MLIP: variants seen among roughly 807,000 people sequenced by gnomAD.
MLIP encodes the protein muscular LMNA-interacting protein.
Under a neutral mutation model 84.8 loss-of-function variants are expected in MLIP, and 79 were observed. The observed-to-expected ratio is 0.93, with a 90% CI of 0.78 to 1.12. The LOEUF (loss-of-function observed/expected upper bound fraction) is 1.12. Among genes scored for constraint, MLIP ranks in the 50% most tolerant of loss-of-function variants. The pLI, the probability that MLIP is intolerant of heterozygous loss-of-function variation, is 0.00. For synonymous variants in MLIP, 504 were observed against 463.0 expected (o/e 1.09, Z -1.14); for missense variants, 1,257 against 1,160.6 (o/e 1.08, Z -1.21).
upstream of MLIP, among the ~76,000 whole-genome samples, chr6:54,110,240 C>T (rs1393114448): frequency 6.6e-6 from 1 of 152,076 alleles, no homozygotes; most frequent in African/African-American, 2.4e-5. Flanking sequence ...GCCTCGGCCT[C>T]CCAAAGTGCT....
chr6:54,043,450 T>C (rs1402025046), intron 1 of MLIP: 1 of 152,216 alleles, frequency 6.6e-6, no homozygotes, highest in Admixed American at 6.5e-5. Flanking sequence ...GTCATCTATG[T>C]AATTTCTCTT....
chr6:54,233,635 A>G (rs957883995), intron 12 of MLIP, among the ~76,000 whole-genome samples: 1 of 152,178 alleles, frequency 6.6e-6, no homozygotes, highest in African/African-American at 2.4e-5. Flanking sequence ...GCTGCAATAA[A>G]CATATGTGTG....
intron 9 of MLIP, among the ~76,000 whole-genome samples, chr6:54,189,064 A>G (rs1251509972): frequency 6.6e-6 from 1 of 151,424 alleles, no homozygotes; most frequent in East Asian, 1.9e-4. Context: ...GTAAGGCCTG[A>G]AAAAACCACA....
intron 1 of MLIP, among the ~76,000 whole-genome samples, chr6:54,082,908 A>G (rs1310448110): frequency 6.6e-6 from 1 of 152,168 alleles, no homozygotes; most frequent in Non-Finnish European, 1.5e-5. Context: ...TATTCTCCCC[A>G]GCTATAGAAT....
intron 1 of MLIP, among the ~76,000 whole-genome samples, chr6:54,115,868 A>G (rs2150416675): frequency 6.6e-6 from 1 of 152,364 alleles, no homozygotes; most frequent in South Asian, 2.1e-4. Context: ...GAAAACATTT[A>G]TCATTGAAAT....
At chr6:54,232,310 T>C (rs996452748) in intron 12 of MLIP, among the ~76,000 whole-genome samples, 1 of 152,160 alleles carries the variant, frequency 6.6e-6, no homozygotes, top group East Asian at 1.9e-4. Flanking sequence ...ATTGTTTTGA[T>C]ATTTTGAAAG....
upstream of MLIP, among the ~76,000 whole-genome samples, chr6:54,108,407 C>T (rs1165504756): frequency 1.3e-5 from 2 of 152,068 alleles, no homozygotes; most frequent in Admixed American, 6.5e-5. Context: ...AGACTAGGAC[C>T]CATTTTTTGA....
intron 8 of MLIP, among the ~76,000 whole-genome samples, chr6:54,162,801 G>C (rs2150569692): frequency 6.6e-6 from 1 of 152,110 alleles, no homozygotes; most frequent in South Asian, 2.1e-4. Context: ...GTTTGAAGCT[G>C]ATCAGAGATA....
intron 9 of MLIP, among the ~76,000 whole-genome samples, chr6:54,175,590 T>C (rs192151616): frequency 2.0e-5 from 3 of 152,208 alleles, no homozygotes; most frequent in Admixed American, 2.0e-4. Flanking sequence ...TTTTTGTATG[T>C]TGATTTTGTA....
At chr6:54,156,063 C>G (rs767059023) in intron 5 of MLIP, among the ~76,000 whole-genome samples, 7 of 152,002 alleles carry the variant, frequency 4.6e-5, no homozygotes, top group Non-Finnish European at 2.9e-5. Context: ...TTCCTGCTGG[C>G]TAGCTTGCCA....
At chr6:54,208,183 T>G (rs1207595250) in intron 11 of MLIP, among the ~76,000 whole-genome samples, 5 of 152,254 alleles carry the variant, frequency 3.3e-5, no homozygotes, top group African/African-American at 1.2e-4. Flanking sequence ...TGGTTTTATC[T>G]GTAAGGTATT....
chr6:54,174,238 T>G (rs1264124652), intron 9 of MLIP, among the ~76,000 whole-genome samples: 2 of 152,162 alleles, frequency 1.3e-5, no homozygotes, highest in East Asian at 3.9e-4. Flanking sequence ...ATTTTCTTTC[T>G]TTTGGGTATA....
chr6:54,218,088 C>A, intron 11 of MLIP: 3 of 685,732 alleles, frequency 4.4e-6, no homozygotes, highest in Non-Finnish European at 5.4e-6. Context: ...TGGAACATGG[C>A]CTTGCCTATT....
intron 1 of MLIP, among the ~76,000 whole-genome samples, chr6:54,070,731 A>C (rs1350017893): frequency 2.0e-5 from 3 of 152,116 alleles, no homozygotes; most frequent in African/African-American, 7.2e-5. Context: ...TCTTTTTAGC[A>C]TATTGTTTTT....
At chr6:54,215,218 A>G in intron 11 of MLIP, 2 of 1,532,960 alleles carry the variant, frequency 1.3e-6, no homozygotes, top group Non-Finnish European at 1.7e-6. Context: ...GAGGAACCCT[A>G]TCCTTGTGGC....
chr6:54,093,758 C>T (rs1015799550), intron 1 of MLIP, among the ~76,000 whole-genome samples: 3 of 152,212 alleles, frequency 2.0e-5, no homozygotes, highest in Admixed American at 2.0e-4. Flanking sequence ...CCCTGTGACC[C>T]ACCAGGCTAA....
At chr6:54,169,061 G>C (rs2150589143) in intron 8 of MLIP, among the ~76,000 whole-genome samples, 1 of 151,842 alleles carries the variant, frequency 6.6e-6, no homozygotes, top group East Asian at 1.9e-4. Flanking sequence ...ATGGTGGATA[G>C]GAGGTAGAGT....
At chr6:54,091,531 G>A (rs1248905413) in intron 1 of MLIP, among the ~76,000 whole-genome samples, 1 of 152,166 alleles carries the variant, frequency 6.6e-6, no homozygotes, top group East Asian at 1.9e-4. Context: ...CTAGCTGGGA[G>A]ACTGACTTAG....
chr6:54,258,529 G>A (rs1783171106), intron 13 of MLIP, among the ~76,000 whole-genome samples: 1 of 151,912 alleles, frequency 6.6e-6, no homozygotes, highest in Non-Finnish European at 1.5e-5. Flanking sequence ...ATGAACATAT[G>A]GAAGACTCTC....
Sources: allele counts gnomAD v4.1 joint callset (sites outside exome capture counted in the v4.1 genomes callset), GRCh38; gene constraint gnomAD v4.1.1; transcripts MANE v1.5; gene names NCBI Gene and HGNC (gene_info 2026-07-23, HGNC 2026-07-21).